Variants in RFTN1 observed in about 807,000 individuals in gnomAD.
RFTN1 encodes raftlin, lipid raft linker 1.
Under a neutral mutation model 46.5 loss-of-function variants are expected in RFTN1, and 26 were observed. The observed-to-expected ratio is 0.56, with a 90% CI of 0.41 to 0.78. The LOEUF (loss-of-function observed/expected upper bound fraction) is 0.78. RFTN1 is among the 30% of genes least tolerant of loss of function. RFTN1 has a pLI of 0.00. For synonymous variants in RFTN1, 261 were observed against 284.2 expected (o/e 0.92, Z 0.82); for missense variants, 693 against 718.7 (o/e 0.96, Z 0.41).
Position 16,443,432 on chromosome 3 carries a change from T to A in RFTN1, c.146-9395A>T, listed in dbSNP as rs2075668447. Among the ~76,000 whole-genome samples the A allele has an allele frequency of 6.6e-6, 1 of 152,180 alleles. No homozygotes were observed. The highest frequency in any genetic ancestry group is 1.5e-5 in the Non-Finnish European group (1 of 68,036). On this transcript the variant is annotated intron_variant, in intron 2 of 9. Coordinates refer to ENST00000334133, the MANE Select transcript of RFTN1 (RefSeq NM_015150.2). This position sits in a 1 kb window ranked among gnomAD's most constrained non-coding sequence, Gnocchi z 5.5. ...CATTTTTCAAGTTGGGTTATTTGTA[T>A]TTTTGCTATTGAGCTGAATGAGTTC...
At chr3:16,439,198 AT>A (rs2075575795) in intron 2 of RFTN1, among the ~76,000 whole-genome samples, 1 of 152,186 alleles carries the variant, frequency 6.6e-6, no homozygotes. Context: ...TCATGTTTCT[AT>A]TTGAACCCTA....
In RFTN1 at chr3:16,337,967, G is replaced by A. The variant is rs1288672288; in HGVS notation, c.1147-11091C>T. ...TGAGGCCCAGCAGTGCCACCAGCTT[G>A]CCCTGGAAGAGAGAGATAAAAACCC... On this transcript the variant is annotated intron_variant, in intron 7 of 9. Transcript: ENST00000334133. This position sits in a 1 kb window ranked among gnomAD's most constrained non-coding sequence, Gnocchi z 5.0. Among the ~76,000 whole-genome samples the A allele has an allele frequency of 6.6e-6, 1 of 152,116 alleles. No individual in the cohort carries two copies. Among genetic ancestry groups the A allele is most frequent in the East Asian group, 1.9e-4 (1 of 5,198 alleles).
rs2074233032 is a variant in RFTN1, at chr3:16,387,645, CA to C, written c.442-9544del. ...CTTCCACTCAGCATACAACTAAATT[CA>C]AGTTATCTTTTTTTAAAAGAAGAAA... On this transcript the variant is annotated intron_variant, in intron 4 of 9. Transcript: ENST00000334133. The surrounding 1 kb of genome is among the most constrained non-coding windows in gnomAD (Gnocchi z 5.2). Among the ~76,000 whole-genome samples, 1 of 147,120 alleles carries C rather than the reference CA, an allele frequency of 6.8e-6. No homozygotes were observed. The highest frequency in any genetic ancestry group is 1.5e-5 in the Non-Finnish European group (1 of 66,848).
intron 7 of RFTN1, among the ~76,000 whole-genome samples, chr3:16,343,526 C>G (rs1221880389): frequency 6.6e-6 from 1 of 152,232 alleles, no homozygotes; most frequent in African/African-American, 2.4e-5. Context: ...TTCACCTGTA[C>G]CCTAGAGTCT....
intron 4 of RFTN1, among the ~76,000 whole-genome samples, chr3:16,390,223 T>C (rs1008149855): frequency 1.3e-5 from 2 of 152,234 alleles, no homozygotes; most frequent in African/African-American, 4.8e-5. Context: ...TAAAATACAG[T>C]GATCGTCACT....
chr3:16,420,503 G>A (rs1269849620), intron 3 of RFTN1, among the ~76,000 whole-genome samples: 1 of 152,200 alleles, frequency 6.6e-6, no homozygotes, highest in Non-Finnish European at 1.5e-5. Flanking sequence ...TGTCCAGTTA[G>A]GTTACAAGAA....
At chr3:16,401,473 G>A (rs1245451495) in intron 4 of RFTN1, among the ~76,000 whole-genome samples, 2 of 151,946 alleles carry the variant, frequency 1.3e-5, no homozygotes, top group Non-Finnish European at 2.9e-5. Flanking sequence ...ACTTACCCGT[G>A]GCATCCAGTG....
intron 7 of RFTN1, among the ~76,000 whole-genome samples, chr3:16,355,058 GA>G (rs2125327257): frequency 6.6e-6 from 1 of 152,152 alleles, no homozygotes; most frequent in Non-Finnish European, 1.5e-5. Context: ...TTCTGATCAT[GA>G]CTACTTAGAT....
chr3:16,362,766 A>G (rs2072912987), intron 6 of RFTN1, among the ~76,000 whole-genome samples: 3 of 152,222 alleles, frequency 2.0e-5, no homozygotes, highest in Admixed American at 1.3e-4. Context: ...TAAGTGCTTA[A>G]TTCAACATAA....
intron 6 of RFTN1, among the ~76,000 whole-genome samples, chr3:16,366,963 T>C (rs1666350772): frequency 6.6e-6 from 1 of 152,206 alleles, no homozygotes; most frequent in African/African-American, 2.4e-5. Flanking sequence ...GAGCCCAAAC[T>C]TGAGGACTGT....
Position 16,334,073 on chromosome 3 carries a change from G to A in RFTN1, c.1147-7197C>T, listed in dbSNP as rs1190498930. On this transcript the variant is annotated intron_variant, in intron 7 of 9. Coordinates refer to ENST00000334133, the MANE Select transcript of RFTN1 (RefSeq NM_015150.2). This position sits in a 1 kb window ranked among gnomAD's most constrained non-coding sequence, Gnocchi z 4.3. Reference sequence around the variant, plus strand: ...CCAGCTACTTGGGAGGCTGAGGCAGGAGAATGGCTTGAACCTAGGAGGCAG... The same window carrying A: ...CCAGCTACTTGGGAGGCTGAGGCAGAAGAATGGCTTGAACCTAGGAGGCAG... 2.6e-5 allele frequency among the ~76,000 whole-genome samples: 4 copies of A among 152,188 alleles called. No homozygotes were observed. The highest frequency in any genetic ancestry group is 9.7e-5 in the African/African-American group (4 of 41,442).
At chr3:16,463,054 C>T (rs2076034519) in intron 2 of RFTN1, among the ~76,000 whole-genome samples, 1 of 152,200 alleles carries the variant, frequency 6.6e-6, no homozygotes, top group African/African-American at 2.4e-5. Flanking sequence ...TTCTCACCCA[C>T]TAGAGACAGA....
At chr3:16,396,079 T>G (rs369124522) in intron 4 of RFTN1, among the ~76,000 whole-genome samples, 2 of 152,154 alleles carry the variant, frequency 1.3e-5, no homozygotes, top group East Asian at 3.8e-4. Flanking sequence ...ATGGTTCACT[T>G]TATAAGACAG....
chr3:16,333,961 C>T (rs555940833), intron 7 of RFTN1, among the ~76,000 whole-genome samples: 47 of 152,090 alleles, frequency 3.1e-4, no homozygotes, highest in Middle Eastern at 3.4e-3. Flanking sequence ...GTCAGGAGAT[C>T]GAGACCATCC....
rs2075752969 is a variant in RFTN1, at chr3:16,447,481, C to T, written c.146-13444G>A. On this transcript the variant is annotated intron_variant, in intron 2 of 9. Coordinates refer to ENST00000334133, the MANE Select transcript of RFTN1 (RefSeq NM_015150.2). This position sits in a 1 kb window ranked among gnomAD's most constrained non-coding sequence, Gnocchi z 5.9. ...TCAGCACTCTCTGGTCTATTTTTTG[C>T]CTATGTAAGAGATGGCATTTAGGAT... Among the ~76,000 whole-genome samples the T allele has an allele frequency of 6.6e-6, 1 of 152,094 alleles. No homozygotes were observed. The highest frequency in any genetic ancestry group is 1.5e-5 in the Non-Finnish European group (1 of 67,990).
At position 16,336,616 on chromosome 3, in the gene RFTN1, C is replaced by G. The variant is rs574587774; in HGVS notation, c.1147-9740G>C. Among the ~76,000 whole-genome samples, 1 of 152,256 alleles carries G rather than the reference C, an allele frequency of 6.6e-6. No homozygotes were observed. Among genetic ancestry groups the G allele is most frequent in the Admixed American group, 6.5e-5 (1 of 15,300 alleles). ...ACATAATAGAGTCTGAGAGAGCAGT[C>G]TTCTCATTTTAGACAACTTAGGCTT... On this transcript the variant is annotated intron_variant, in intron 7 of 9. Coordinates refer to ENST00000334133, the MANE Select transcript of RFTN1 (RefSeq NM_015150.2). The surrounding 1 kb of genome is among the most constrained non-coding windows in gnomAD (Gnocchi z 6.0).
Position 16,384,716 on chromosome 3 carries a change from T to C in RFTN1, c.442-6614A>G, listed in dbSNP as rs563268370. On this transcript the variant is annotated intron_variant, in intron 4 of 9. Coordinates refer to ENST00000334133, the MANE Select transcript of RFTN1 (RefSeq NM_015150.2). This position sits in a 1 kb window ranked among gnomAD's most constrained non-coding sequence, Gnocchi z 4.7. ...AAAAATAGAGAGCTGTGCTGTCCAA[T>C]AGGTAGCCACTAGCCACATGTGGCT... is the stretch of plus-strand genomic sequence containing the variant. Among the ~76,000 whole-genome samples the C allele has an allele frequency of 1.3e-5, 2 of 152,266 alleles. No individual in the cohort carries two copies. The highest frequency in any genetic ancestry group is 4.8e-5 in the African/African-American group (2 of 41,546).
Position 16,316,626 on chromosome 3 carries a change from A to G in RFTN1, c.*202T>C, listed in dbSNP as rs1368596662. 2 of 667,504 alleles carry G rather than the reference A, an allele frequency of 3.0e-6. No individual in the cohort carries two copies. Among genetic ancestry groups the G allele is most frequent in the Non-Finnish European group, 5.3e-6 (2 of 377,040 alleles). 41.3% of individuals were successfully genotyped at this position (667,504 alleles called of 1,614,324 possible). On this transcript the variant is annotated 3_prime_UTR_variant, in exon 10 of 10. Coordinates refer to ENST00000334133, the MANE Select transcript of RFTN1 (RefSeq NM_015150.2). This position sits in a 1 kb window ranked among gnomAD's most constrained non-coding sequence, Gnocchi z 4.5. ...GCATTCTAACACTGGGTCATTAATG[A>G]CACCTTTCCAGTGGATGTGCAAAAA... is the stretch of plus-strand genomic sequence containing the variant.
In RFTN1 at chr3:16,457,526, T is replaced by G. The variant is rs2075931555; in HGVS notation, c.146-23489A>C. On this transcript the variant is annotated intron_variant, in intron 2 of 9. Coordinates refer to ENST00000334133, the MANE Select transcript of RFTN1 (RefSeq NM_015150.2). This position sits in a 1 kb window ranked among gnomAD's most constrained non-coding sequence, Gnocchi z 4.2. ...GGCATCCCAAAAGTCTCAATACAGT[T>G]TTATGCTGAAATTTCAGAAATATAA... is the stretch of plus-strand genomic sequence containing the variant. Among the ~76,000 whole-genome samples, 1 of 152,198 alleles carries G rather than the reference T, an allele frequency of 6.6e-6. No individual in the cohort carries two copies. The highest frequency in any genetic ancestry group is 1.5e-5 in the Non-Finnish European group (1 of 68,036).
Sources: gnomAD v4.1 joint callset for allele counts (sites outside exome capture counted in the v4.1 genomes callset) on GRCh38, gnomAD v4.1.1 for gene constraint, Gnocchi (gnomAD v3.1) non-coding constraint, MANE v1.5 for transcripts, NCBI Gene and HGNC (gene_info 2026-07-23, HGNC 2026-07-21) for gene names.